The following SEMA3C variants were observed in gnomAD, a reference collection of about 807,000 sequenced individuals.
SEMA3C encodes the protein semaphorin-3C.
SEMA3C carries 47 observed loss-of-function variants against 89.4 expected under a neutral mutation model. The ratio of observed to expected loss-of-function variants is 0.53; its 90% CI spans 0.42 to 0.67. The LOEUF is 0.67. Ranked by LOEUF, SEMA3C falls within the 30% of genes least tolerant of loss-of-function variation. SEMA3C has a pLI of 0.00. For synonymous variants in SEMA3C, 310 were observed against 320.2 expected (o/e 0.97, Z 0.34); for missense variants, 839 against 929.1 (o/e 0.90, Z 1.26).
intron 2 of SEMA3C, among the ~76,000 whole-genome samples, chr7:80,838,869 C>T (rs917974043): frequency 6.6e-6 from 1 of 152,172 alleles, no homozygotes. Flanking sequence ...TCTCCCTTGA[C>T]ACGTGATGAT....
Position 80,918,941 on chromosome 7 carries a change from T to C in SEMA3C, c.-152A>G, listed in dbSNP as rs1003418774. 5.6e-5 allele frequency: 55 copies of C among 985,396 alleles called. 1 individual carries two copies. The highest frequency in any genetic ancestry group is 5.2e-4 in the Middle Eastern group (1 of 1,914). The allele number at this position is 985,396 out of a possible 1,614,324, so 61.0% of individuals were successfully genotyped here. ...CTTATTTTCTAGCACGTCGCAAAGG[T>C]GAAATTCTTTCTTCCCGGTCCTCTG... On this transcript the variant is annotated 5_prime_UTR_variant, in exon 1 of 18. Transcript: ENST00000265361.
In SEMA3C at chr7:80,744,681, T is replaced by C; in HGVS notation, c.*213A>G. 3.4e-6 allele frequency: 2 copies of C among 581,088 alleles called. No individual in the cohort carries two copies. The highest frequency in any genetic ancestry group is 6.1e-6 in the Non-Finnish European group (2 of 330,080). The allele number at this position is 581,088 out of a possible 1,614,324, so 36.0% of individuals were successfully genotyped here. A position where few individuals can be genotyped will look rare whatever the true frequency, so the allele number is the denominator to read the frequency against. ...TAAAATCTGGGTTAAGTTAAATATA[T>C]TTATATGCACCATGAGGACCATGAC... is the stretch of plus-strand genomic sequence containing the variant. On this transcript the variant is annotated 3_prime_UTR_variant, in exon 18 of 18. Transcript: ENST00000265361.
intron 9 of SEMA3C, among the ~76,000 whole-genome samples, chr7:80,801,769 A>T (rs1789213742): frequency 6.6e-6 from 1 of 152,104 alleles, no homozygotes; most frequent in Non-Finnish European, 1.5e-5. Flanking sequence ...ATATATTCCC[A>T]AACATTCAGG....
At chr7:80,909,956 A>G (rs1199100139) in intron 2 of SEMA3C, among the ~76,000 whole-genome samples, 1 of 152,198 alleles carries the variant, frequency 6.6e-6, no homozygotes, top group East Asian at 1.9e-4. Flanking sequence ...TTAAAAATGT[A>G]AGGTATGTTA....
At chr7:80,883,956 C>A (rs1791412690) in intron 2 of SEMA3C, among the ~76,000 whole-genome samples, 1 of 152,146 alleles carries the variant, frequency 6.6e-6, no homozygotes, top group Admixed American at 6.5e-5. Flanking sequence ...TGTGATAAAT[C>A]CAAGAGGTCG....
intron 2 of SEMA3C, among the ~76,000 whole-genome samples, chr7:80,898,760 C>T (rs1253321149): frequency 6.9e-6 from 1 of 145,288 alleles, no homozygotes; most frequent in Non-Finnish European, 1.5e-5. Flanking sequence ...AATAATTATG[C>T]AAAATAGTAT....
intron 15 of SEMA3C, among the ~76,000 whole-genome samples, chr7:80,753,928 GT>G (rs1274872248): frequency 1.4e-5 from 2 of 141,246 alleles, no homozygotes; most frequent in Non-Finnish European, 3.0e-5. Flanking sequence ...CTAGAGTTTT[GT>G]TTGTTTGTTT....
chr7:80,915,286 T>C (rs1329447779), intron 2 of SEMA3C, among the ~76,000 whole-genome samples: 1 of 152,116 alleles, frequency 6.6e-6, no homozygotes, highest in Non-Finnish European at 1.5e-5. Context: ...CTTAACTGCA[T>C]AGCTATGGGT....
At chr7:80,850,617 C>T (rs928319759) in intron 2 of SEMA3C, among the ~76,000 whole-genome samples, 17 of 152,056 alleles carry the variant, frequency 1.1e-4, no homozygotes, top group Non-Finnish European at 2.2e-4. Context: ...AGGGAGGAGA[C>T]GGTCACCGGA....
chr7:80,910,592 C>T (rs921649907), intron 2 of SEMA3C, among the ~76,000 whole-genome samples: 4 of 151,084 alleles, frequency 2.6e-5, no homozygotes, highest in Non-Finnish European at 4.4e-5. Flanking sequence ...AATGAAAATG[C>T]AGAAGGCAAA....
intron 2 of SEMA3C, among the ~76,000 whole-genome samples, chr7:80,913,159 G>A (rs888164796): frequency 6.6e-6 from 1 of 152,152 alleles, no homozygotes; most frequent in African/African-American, 2.4e-5. Context: ...TCAACAATTT[G>A]GGAGGCTGAG....
chr7:80,809,871 G>C (rs1318749413), intron 6 of SEMA3C, among the ~76,000 whole-genome samples: 2 of 151,870 alleles, frequency 1.3e-5, no homozygotes, highest in Non-Finnish European at 2.9e-5. Context: ...AGACAAATAA[G>C]GTGTGATCTC....
intron 12 of SEMA3C, among the ~76,000 whole-genome samples, chr7:80,774,842 T>C (rs1365372602): frequency 6.6e-6 from 1 of 151,924 alleles, no homozygotes; most frequent in Non-Finnish European, 1.5e-5. Context: ...ATGAAAAACA[T>C]TACATTACAG....
chr7:80,899,983 T>C (rs2116191276), intron 2 of SEMA3C, among the ~76,000 whole-genome samples: 1 of 152,350 alleles, frequency 6.6e-6, no homozygotes, highest in African/African-American at 2.4e-5. Context: ...TGCAGTTTTG[T>C]TACATGGACA....
intron 9 of SEMA3C, 84 bp from the exon 10 acceptor site, chr7:80,800,910 A>C: frequency 2.4e-6 from 2 of 828,106 alleles, no homozygotes; most frequent in Non-Finnish European, 3.7e-6. Flanking sequence ...AATAATTTCA[A>C]CTCTGAAAAG....
intron 2 of SEMA3C, among the ~76,000 whole-genome samples, chr7:80,911,116 G>A (rs1332771575): frequency 6.6e-6 from 1 of 152,118 alleles, no homozygotes; most frequent in Non-Finnish European, 1.5e-5. Flanking sequence ...TATAGGGAAT[G>A]AATTTTATTT....
chr7:80,843,508 T>G (rs1790318787), intron 2 of SEMA3C, among the ~76,000 whole-genome samples: 1 of 152,140 alleles, frequency 6.6e-6, no homozygotes, highest in African/African-American at 2.4e-5. Flanking sequence ...TATTAGTGCC[T>G]AAGTGTTCCC....
chr7:80,842,925 G>A (rs1057356110), intron 2 of SEMA3C, among the ~76,000 whole-genome samples: 2 of 151,970 alleles, frequency 1.3e-5, no homozygotes, highest in African/African-American at 2.4e-5. Context: ...TTACTTCATC[G>A]ACAATGAATA....
rs534489494 is a variant in SEMA3C at position 80,818,378 on chromosome 7, T to C, written c.368A>G (p.Asn123Ser). 30 of 1,613,466 alleles carry C rather than the reference T, an allele frequency of 1.9e-5. No homozygotes were observed. Among genetic ancestry groups the C allele is most frequent in the African/African-American group, 4.0e-5 (3 of 75,044 alleles). The change falls in exon 5 of 18, where the codon AAT becomes AGT. Residue 123 changes from asparagine (N) to serine (S), a missense_variant. Transcript: ENST00000265361. ...GNFVRVIQTF[N>S]RTHLYVCGSG... is the part of the protein sequence containing the mutation. ...CCCACAGACATACAAATGTGTGCGA[T>C]TGAAAGTCTGAATTACACGGACAAA...
Sources: allele counts gnomAD v4.1 joint callset (sites outside exome capture counted in the v4.1 genomes callset), GRCh38; gene constraint gnomAD v4.1.1; transcripts MANE v1.5; gene names NCBI Gene and HGNC (gene_info 2026-07-23, HGNC 2026-07-21).